Variants in PLCB1 observed in about 807,000 individuals in gnomAD.
The protein encoded by PLCB1 is 1-phosphatidylinositol 4,5-bisphosphate phosphodiesterase beta-1.
In PLCB1, 46 loss-of-function variants were observed where a neutral mutation model predicts 161.8. The observed-to-expected ratio is 0.28, with a 90% CI of 0.22 to 0.36. PLCB1 has a LOEUF of 0.36. Among genes scored for constraint, PLCB1 ranks in the 10% least tolerant of loss-of-function variants. PLCB1 has a pLI of 1.00. For synonymous variants in PLCB1, 517 were observed against 503.7 expected (o/e 1.03, Z -0.35); for missense variants, 1,016 against 1,472.5 (o/e 0.69, Z 5.07).
At chr20:8,380,790 G>A (rs1429190120) in intron 3 of PLCB1, among the ~76,000 whole-genome samples, 5 of 152,176 alleles carry the variant, frequency 3.3e-5, no homozygotes, top group African/African-American at 1.2e-4. Context: ...TTGCACATTG[G>A]TTTTGTATCC....
intron 3 of PLCB1, among the ~76,000 whole-genome samples, chr20:8,564,621 G>A (rs1339438189): frequency 1.3e-5 from 2 of 151,758 alleles, no homozygotes; most frequent in South Asian, 2.1e-4. Context: ...TCTACAAAGA[G>A]CTTAAGCAAA....
intron 4 of PLCB1, among the ~76,000 whole-genome samples, chr20:8,632,053 T>A (rs75227619): frequency 7.3e-6 from 1 of 137,498 alleles, no homozygotes; most frequent in Non-Finnish European, 1.5e-5. Context: ...TTTTTTTTTT[T>A]TTTTTTTTTT....
intron 3 of PLCB1, chr20:8,623,855 C>G (rs1440912030): frequency 2.0e-5 from 3 of 152,028 alleles, no homozygotes; most frequent in Non-Finnish European, 4.4e-5. Context: ...ACTGGTACAC[C>G]CTGGTGAACA....
rs186184071 is a variant in PLCB1 at position 8,671,730 on chromosome 20, C to T, written c.862+13026C>T. The stretch of plus-strand genomic sequence containing the variant: ...AGCCAACTGCCAAGAAGGCAGGATA[C>T]CTTTCCTTCCCATCATCCATGCCCC... On this transcript the variant is annotated intron_variant, in intron 9 of 31. Transcript: ENST00000338037. Among the ~76,000 whole-genome samples the T allele has an allele frequency of 3.9e-5, 6 of 152,298 alleles. No individual in the cohort carries two copies. In the East Asian group the frequency reaches 1.2e-3, roughly 29 times the overall value.
At chr20:8,808,395 T>A (rs1372087443) in intron 31 of PLCB1, among the ~76,000 whole-genome samples, 1 of 152,106 alleles carries the variant, frequency 6.6e-6, no homozygotes, top group Non-Finnish European at 1.5e-5. Context: ...CACTTCTTCC[T>A]TTTCTTATAA....
intron 3 of PLCB1, among the ~76,000 whole-genome samples, chr20:8,409,532 G>T (rs1054303365): frequency 5.3e-5 from 8 of 151,696 alleles, no homozygotes; most frequent in African/African-American, 1.7e-4. Context: ...GCATGGTCTT[G>T]GCTCACTGCA....
chr20:8,132,618 T>TCGCCCGGGC lies in PLCB1; in HGVS notation c.-26_-18dup. The stretch of plus-strand genomic sequence containing the variant: ...GCACGGTCCCCAGTCCCTGCCGCGC[T>TCGCCCGGGC]CGCCCGGGCCGCCCGGAGCCCAGAT... On this transcript the variant is annotated 5_prime_UTR_variant, in exon 1 of 32. Coordinates refer to ENST00000338037, the MANE Select transcript of PLCB1 (RefSeq NM_015192.4). This position sits in a 1 kb window ranked among gnomAD's most constrained non-coding sequence, Gnocchi z 5.2. 6.6e-7 allele frequency: 1 copy of TCGCCCGGGC among 1,522,484 alleles called. No individual in the cohort carries two copies. Among genetic ancestry groups the TCGCCCGGGC allele is most frequent in the Non-Finnish European group, 9.0e-7 (1 of 1,113,328 alleles). 94.3% of individuals were successfully genotyped at this position (1,522,484 alleles called of 1,614,324 possible). A position where few individuals can be genotyped will look rare whatever the true frequency, so the allele number is the denominator to read the frequency against.
intron 26 of PLCB1, among the ~76,000 whole-genome samples, chr20:8,771,401 G>A (rs184849238): frequency 1.3e-5 from 2 of 152,136 alleles, no homozygotes; most frequent in South Asian, 2.1e-4. Flanking sequence ...ACCAGACAGC[G>A]CCAGCCATTT....
intron 2 of PLCB1, among the ~76,000 whole-genome samples, chr20:8,273,470 A>T (rs547334184): frequency 6.6e-5 from 10 of 152,154 alleles, no homozygotes; most frequent in African/African-American, 2.4e-4. Flanking sequence ...ACAGTAATTC[A>T]CTTCTAAGCT....
chr20:8,346,222 C>T (rs117778307), intron 2 of PLCB1, among the ~76,000 whole-genome samples: 4,205 of 152,282 alleles, frequency 0.028, 108 homozygotes, highest in South Asian at 0.052. Flanking sequence ...ACAAACTTCA[C>T]CCTTCTGTGT....
intron 10 of PLCB1, among the ~76,000 whole-genome samples, chr20:8,692,145 T>A (rs1033954074): frequency 6.6e-6 from 1 of 152,188 alleles, no homozygotes; most frequent in African/African-American, 2.4e-5. Context: ...CTATCCCCAA[T>A]AATCTGATGA....
chr20:8,629,808 TTTTC>T (rs200314345), intron 4 of PLCB1, among the ~76,000 whole-genome samples: 9,057 of 96,528 alleles, frequency 0.094, 336 homozygotes, highest in Non-Finnish European at 0.11. Flanking sequence ...CTTTTCTTTC[TTTTC>T]TTTCTTTTCT....
chr20:8,776,543 C>T (rs1328588553), intron 27 of PLCB1, among the ~76,000 whole-genome samples: 3 of 152,274 alleles, frequency 2.0e-5, no homozygotes, highest in Admixed American at 1.3e-4. Flanking sequence ...TCATACAATT[C>T]ACTCATTTTA....
At chr20:8,510,383 C>CTT (rs11479098) in intron 3 of PLCB1, among the ~76,000 whole-genome samples, 5 of 119,820 alleles carry the variant, frequency 4.2e-5, no homozygotes, top group African/African-American at 1.5e-4. Context: ...TTTTCTTTTT[C>CTT]TTTTTTTTTT....
chr20:8,863,410 T>TGCAA (rs1232184808), intron 31 of PLCB1, among the ~76,000 whole-genome samples: 1 of 152,254 alleles, frequency 6.6e-6, no homozygotes, highest in Non-Finnish European at 1.5e-5. Flanking sequence ...GAGAATCACC[T>TGCAA]GCAAGCCTTC....
intron 2 of PLCB1, among the ~76,000 whole-genome samples, chr20:8,369,013 T>C (rs1986816717): frequency 6.6e-6 from 1 of 152,232 alleles, no homozygotes; most frequent in Non-Finnish European, 1.5e-5. Flanking sequence ...GACTTGCTTG[T>C]GAACTCATCG....
At chr20:8,867,657 A>C (rs569245253) in intron 31 of PLCB1, among the ~76,000 whole-genome samples, 57 of 152,292 alleles carry the variant, frequency 3.7e-4, no homozygotes, top group Non-Finnish European at 6.5e-4. Flanking sequence ...ATGTGCGGCT[A>C]AATCAGAAGC....
At chr20:8,431,387 AAGAAGCAGAAAC>A (rs1259502938) in intron 3 of PLCB1, among the ~76,000 whole-genome samples, 5 of 152,210 alleles carry the variant, frequency 3.3e-5, no homozygotes, top group Non-Finnish European at 5.9e-5. Flanking sequence ...TTTTTTGAAA[AAGAAGCAGAAAC>A]AGAAGCAGAA....
At chr20:8,364,963 A>C (rs550149943) in intron 2 of PLCB1, among the ~76,000 whole-genome samples, 1 of 152,230 alleles carries the variant, frequency 6.6e-6, no homozygotes, top group Admixed American at 6.5e-5. Flanking sequence ...GTTTATTTAC[A>C]TTCCTTGTGT....
Sources: gnomAD v4.1 joint callset for allele counts (sites outside exome capture counted in the v4.1 genomes callset) on GRCh38, gnomAD v4.1.1 for gene constraint, Gnocchi (gnomAD v3.1) non-coding constraint, MANE v1.5 for transcripts, NCBI Gene and HGNC (gene_info 2026-07-23, HGNC 2026-07-21) for gene names.